The following PAPSS1 variants were observed in gnomAD, a reference collection of about 807,000 sequenced individuals.
The protein encoded by PAPSS1 is bifunctional 3'-phosphoadenosine 5'-phosphosulfate synthase 1.
In PAPSS1, 50 loss-of-function variants were observed where a neutral mutation model predicts 72.0. The observed-to-expected ratio is 0.69, with a 90% CI of 0.55 to 0.88. The LOEUF is 0.88. Among genes scored for constraint, PAPSS1 ranks in the 40% least tolerant of loss-of-function variants. The pLI is 0.00. For missense variants in PAPSS1, 657 were observed against 782.2 expected, an observed-to-expected ratio of 0.84 and a Z score of 1.91; for synonymous variants, 261 against 263.6, an observed-to-expected ratio of 0.99 and a Z score of 0.09.
intron 10 of PAPSS1, 61 bp downstream of exon 10, chr4:107,644,741 T>G: frequency 6.7e-7 from 1 of 1,483,180 alleles, no homozygotes; most frequent in Non-Finnish European, 9.1e-7. Flanking sequence ...ATGGTGACAC[T>G]AGCTGTGTTA....
chr4:107,713,480 C>A (rs138341046), intron 1 of PAPSS1, among the ~76,000 whole-genome samples: 1 of 152,072 alleles, frequency 6.6e-6, no homozygotes, highest in East Asian at 1.9e-4. Flanking sequence ...GAAAGACAGG[C>A]CAGGCATGGT....
intron 5 of PAPSS1, among the ~76,000 whole-genome samples, chr4:107,668,868 T>C (rs1727389690): frequency 6.6e-6 from 1 of 152,198 alleles, no homozygotes; most frequent in Non-Finnish European, 1.5e-5. Context: ...ATACTGCCCA[T>C]GGCATTCGCT....
At chr4:107,641,980 T>C (rs1008797355) in intron 10 of PAPSS1, among the ~76,000 whole-genome samples, 1 of 152,188 alleles carries the variant, frequency 6.6e-6, no homozygotes, top group African/African-American at 2.4e-5. Flanking sequence ...ATGATTTACA[T>C]TGATCCTATT....
At chr4:107,702,190 G>C (rs555413759) in intron 1 of PAPSS1, among the ~76,000 whole-genome samples, 1 of 152,234 alleles carries the variant, frequency 6.6e-6, no homozygotes, top group East Asian at 1.9e-4. Flanking sequence ...ACAAGTACTG[G>C]GGAGGATATG....
At chr4:107,618,859 T>G (rs1320696562) in intron 11 of PAPSS1, among the ~76,000 whole-genome samples, 2 of 152,110 alleles carry the variant, frequency 1.3e-5, no homozygotes, top group Non-Finnish European at 2.9e-5. Context: ...GGGGTCCAGA[T>G]AGCTTTCCAA....
At chr4:107,638,557 G>A (rs1486379281) in intron 10 of PAPSS1, among the ~76,000 whole-genome samples, 1 of 152,116 alleles carries the variant, frequency 6.6e-6, no homozygotes, top group African/African-American at 2.4e-5. Context: ...CTCCCAGAGT[G>A]GGGGCTCAGA....
intron 4 of PAPSS1, among the ~76,000 whole-genome samples, chr4:107,685,418 G>C (rs1242316848): frequency 1.3e-5 from 2 of 152,282 alleles, no homozygotes; most frequent in Middle Eastern, 3.4e-3. Context: ...ATTAAAGTAA[G>C]TAAAAGGTTT....
chr4:107,621,801 T>A (rs955627655), intron 11 of PAPSS1, among the ~76,000 whole-genome samples: 6 of 149,044 alleles, frequency 4.0e-5, no homozygotes, highest in African/African-American at 1.5e-4. Context: ...TTTTTTTGTA[T>A]TTTTTTTTAG....
intron 6 of PAPSS1, among the ~76,000 whole-genome samples, chr4:107,658,633 T>C (rs138787792): frequency 7.9e-5 from 12 of 152,328 alleles, no homozygotes; most frequent in African/African-American, 2.6e-4. Flanking sequence ...TGCAGCCTAC[T>C]ATTTATTCCC....
chr4:107,654,620 C>T (rs1289729637), intron 8 of PAPSS1, 75 bp downstream of exon 8: 14 of 1,181,502 alleles, frequency 1.2e-5, no homozygotes, highest in Non-Finnish European at 1.8e-5. Context: ...AAAGTCAATA[C>T]ACAGAAAATG....
At chr4:107,645,520 T>C (rs573089034) in intron 9 of PAPSS1, among the ~76,000 whole-genome samples, 4 of 152,350 alleles carry the variant, frequency 2.6e-5, no homozygotes, top group African/African-American at 9.6e-5. Flanking sequence ...AATATATTTG[T>C]AGTTTCAAAA....
chr4:107,690,692 T>C (rs979585972), intron 3 of PAPSS1, among the ~76,000 whole-genome samples: 1 of 152,208 alleles, frequency 6.6e-6, no homozygotes, highest in Non-Finnish European at 1.5e-5. Flanking sequence ...ATGTCCTGTA[T>C]TGCATGTTTC....
intron 3 of PAPSS1, 45 bp downstream of exon 3, chr4:107,693,726 C>T: frequency 7.3e-7 from 1 of 1,368,362 alleles, no homozygotes; most frequent in Non-Finnish European, 1.0e-6. Flanking sequence ...ATACCATATT[C>T]TCAATAAATG....
intron 4 of PAPSS1, among the ~76,000 whole-genome samples, chr4:107,685,684 G>GGA (rs1722765230): frequency 6.6e-6 from 1 of 152,190 alleles, no homozygotes; most frequent in Non-Finnish European, 1.5e-5. Context: ...TGGCATTACC[G>GGA]GAGGTCAGCC....
chr4:107,677,830 T>C (rs1279654296), intron 5 of PAPSS1, among the ~76,000 whole-genome samples: 1 of 152,204 alleles, frequency 6.6e-6, no homozygotes, highest in Non-Finnish European at 1.5e-5. Flanking sequence ...ATGTGGCACA[T>C]ATACACCGTG....
At chr4:107,650,795 T>C (rs1289092738) in intron 9 of PAPSS1, among the ~76,000 whole-genome samples, 1 of 152,008 alleles carries the variant, frequency 6.6e-6, no homozygotes, top group Non-Finnish European at 1.5e-5. Context: ...GGAATTTTCA[T>C]GAATACAAAA....
intron 11 of PAPSS1, among the ~76,000 whole-genome samples, chr4:107,620,660 C>T (rs1425933746): frequency 6.6e-6 from 1 of 152,114 alleles, no homozygotes; most frequent in Non-Finnish European, 1.5e-5. Flanking sequence ...ATCCTCTTCC[C>T]CCTCCCCAGG....
At chr4:107,712,866 C>T (rs936412244) in intron 1 of PAPSS1, among the ~76,000 whole-genome samples, 6 of 111,432 alleles carry the variant, frequency 5.4e-5, no homozygotes, top group African/African-American at 1.5e-4. Context: ...AGCGAGACTC[C>T]GTCTCGGGAA....
In PAPSS1 at chr4:107,686,958, A is replaced by G. The variant is rs1028990579; in HGVS notation, c.550+81T>C. 3.2e-5 allele frequency: 42 copies of G among 1,295,040 alleles called. No homozygotes were observed. In the African/African-American group the frequency reaches 5.3e-4, roughly 16 times the overall value. 80.2% of individuals were successfully genotyped at this position (1,295,040 alleles called of 1,614,324 possible). A position where few individuals can be genotyped will look rare whatever the true frequency, so the allele number is the denominator to read the frequency against. On this transcript the variant is annotated intron_variant, in intron 4 of 11. Coordinates refer to ENST00000265174, the MANE Select transcript of PAPSS1 (RefSeq NM_005443.5). The stretch of plus-strand genomic sequence containing the variant: ...GCTCCAAGTCACTCTAACACTTCCA[A>G]TCTCTTAGAAAATATCAATCCTAGA...
Sources: gnomAD v4.1 joint callset for allele counts (sites outside exome capture counted in the v4.1 genomes callset) on GRCh38, gnomAD v4.1.1 for gene constraint, MANE v1.5 for transcripts, NCBI Gene and HGNC (gene_info 2026-07-23, HGNC 2026-07-21) for gene names.